Variants in OXNAD1 observed in about 807,000 individuals in gnomAD.
The protein encoded by OXNAD1 is oxidoreductase NAD-binding domain-containing protein 1.
A neutral mutation model predicts 32.9 loss-of-function variants in OXNAD1; 34 were observed. The ratio of observed to expected loss-of-function variants is 1.03; its 90% CI spans 0.79 to 1.38. The LOEUF is 1.38. Ranked by LOEUF, OXNAD1 falls within the 40% of genes most tolerant of loss-of-function variation. The pLI is 0.00. For missense variants in OXNAD1, 407 were observed against 379.4 expected, an observed-to-expected ratio of 1.07 and a Z score of -0.60; for synonymous variants, 134 against 135.2, an observed-to-expected ratio of 0.99 and a Z score of 0.06.
rs1470238191 is a variant in OXNAD1 at position 16,298,847 on chromosome 3, A to G, written c.433-2779A>G. On this transcript the variant is annotated intron_variant, in intron 6 of 8. Transcript: ENST00000285083. The surrounding 1 kb of genome is among the most constrained non-coding windows in gnomAD (Gnocchi z 5.1). ...ATTAGATACATTGCTGTGTAATTGA[A>G]GGTAATGTCCTTTTATTCACTTACA... Among the ~76,000 whole-genome samples, 1 of 152,212 alleles carries G rather than the reference A, an allele frequency of 6.6e-6. No homozygotes were observed. The highest frequency in any genetic ancestry group is 1.5e-5 in the Non-Finnish European group (1 of 68,034).
chr3:16,303,526 A>T lies in OXNAD1; in HGVS notation c.903A>T (p.Val301=). 6.2e-7 allele frequency: 1 copy of T among 1,614,044 alleles called. No individual in the cohort carries two copies. Among genetic ancestry groups the T allele is most frequent in the Non-Finnish European group, 8.5e-7 (1 of 1,179,946 alleles). Residue 301 remains valine, a synonymous_variant, in exon 9 of 9, where the codon GTA becomes GTT. Transcript: ENST00000285083. This position sits in a 1 kb window ranked among gnomAD's most constrained non-coding sequence, Gnocchi z 4.8. ...FFSKQLENNH[V]PKEHICFEKW... ...CCAAGCAACTGGAAAACAACCATGT[A>T]CCCAAAGAACACATTTGCTTTGAGA...
chr3:16,295,746 C>G (rs842285), intron 6 of OXNAD1, among the ~76,000 whole-genome samples: 47,650 of 152,066 alleles, frequency 0.31, 8,293 homozygotes, highest in Non-Finnish European at 0.38. Flanking sequence ...ACCTCCATCC[C>G]AACCAGGCAT....
chr3:16,268,313 C>CTTT (rs531751365), intron 1 of OXNAD1, among the ~76,000 whole-genome samples: 702 of 60,970 alleles, frequency 0.012, 105 homozygotes, highest in Middle Eastern at 0.016. Context: ...AAGAGAACTC[C>CTTT]TTTTTTTTTT....
rs1213407558 is a variant in OXNAD1, at chr3:16,281,895, C to CTTT, written c.184-4428_184-4426dup. 5.9e-3 allele frequency among the ~76,000 whole-genome samples: 657 copies of CTTT among 110,516 alleles called. 15 individuals are homozygous for CTTT. Among genetic ancestry groups the CTTT allele is most frequent in the African/African-American group, 0.019 (565 of 29,436 alleles). 72.5% of individuals were successfully genotyped at this position (110,516 alleles called of 152,430 possible). On this transcript the variant is annotated intron_variant, in intron 4 of 8. Coordinates refer to ENST00000285083, the MANE Select transcript of OXNAD1 (RefSeq NM_138381.5). ...AATGAATGTTTATAAAATAACATTT[C>CTTT]TTTTTTTTTTTTTTTTTTTTTGAGA...
At chr3:16,275,719 T>C (rs1464954302) in intron 4 of OXNAD1, 1 of 172,148 alleles carries the variant, frequency 5.8e-6, no homozygotes, top group Non-Finnish European at 1.3e-5. Context: ...AATAATAGAT[T>C]ATTTATTTGT....
downstream of OXNAD1, among the ~76,000 whole-genome samples, chr3:16,351,806 C>T (rs2072123419): frequency 6.6e-6 from 1 of 152,128 alleles, no homozygotes; most frequent in South Asian, 2.1e-4. The surrounding 1 kb of genome is among the most constrained non-coding windows in gnomAD (Gnocchi z 5.4). Context: ...TGAATAGACT[C>T]AGCAAAGAAC....
At chr3:16,282,037 ATTTTTTTTTTT>A in intron 4 of OXNAD1, among the ~76,000 whole-genome samples, 1 of 95,704 alleles carries the variant, frequency 1.0e-5, no homozygotes, top group East Asian at 2.9e-4. Flanking sequence ...AATGTTTGTA[ATTTTTTTTTTT>A]TTTTTTTTTT....
rs149968380 is a variant in OXNAD1 at position 16,275,045 on chromosome 3, G to A, written c.183+3323G>A. Reference sequence around the variant, plus strand: ...CTTATAAAACAGTCATAGCTTTAAAGCCTTTTTACTCTGTATCATAGTGAC... The same window carrying A: ...CTTATAAAACAGTCATAGCTTTAAAACCTTTTTACTCTGTATCATAGTGAC... On this transcript the variant is annotated intron_variant, in intron 4 of 8. Coordinates refer to ENST00000285083, the MANE Select transcript of OXNAD1 (RefSeq NM_138381.5). 262 of 153,438 alleles carry A rather than the reference G, an allele frequency of 1.7e-3. 2 individuals carry two copies. The highest frequency in any genetic ancestry group is 2.2e-3 in the Non-Finnish European group (153 of 68,182). 9.5% of individuals were successfully genotyped at this position (153,438 alleles called of 1,614,324 possible).
chr3:16,289,038 A>C lies in OXNAD1; in HGVS notation c.290+2590A>C, dbSNP rs1194194793. ...GCTCTGTGATGTGGTCAGTTTCCTTATTTGTCTGGGCTTCAGTTCTCATAT... is the reference window on the plus strand; with the variant it reads ...GCTCTGTGATGTGGTCAGTTTCCTTCTTTGTCTGGGCTTCAGTTCTCATAT... On this transcript the variant is annotated intron_variant, in intron 5 of 8. Coordinates refer to ENST00000285083, the MANE Select transcript of OXNAD1 (RefSeq NM_138381.5). The surrounding 1 kb of genome is among the most constrained non-coding windows in gnomAD (Gnocchi z 4.9). Among the ~76,000 whole-genome samples, 1 of 152,136 alleles carries C rather than the reference A, an allele frequency of 6.6e-6. No homozygotes were observed.
intron 1 of OXNAD1, among the ~76,000 whole-genome samples, chr3:16,267,533 CT>C (rs1225274270): frequency 1.3e-5 from 2 of 152,046 alleles, no homozygotes; most frequent in East Asian, 3.9e-4. Flanking sequence ...GACCTTTGCT[CT>C]TGCTAGTCCT....
chr3:16,332,851 C>G (rs1267851493), intron 9 of OXNAD1, among the ~76,000 whole-genome samples: 2 of 151,980 alleles, frequency 1.3e-5, no homozygotes, highest in African/African-American at 4.8e-5. Context: ...ACCTACCTAC[C>G]TACCTACAAT....
chr3:16,265,642 AT>A lies in OXNAD1; in HGVS notation c.-159+142del, dbSNP rs1323467866. 6.5e-6 allele frequency: 1 copy of A among 154,164 alleles called. No individual in the cohort carries two copies. Among genetic ancestry groups the A allele is most frequent in the East Asian group, 1.9e-4 (1 of 5,210 alleles). The allele number at this position is 154,164 out of a possible 1,614,324, so 9.5% of individuals were successfully genotyped here. A position where few individuals can be genotyped will look rare whatever the true frequency, so the allele number is the denominator to read the frequency against. On this transcript the variant is annotated intron_variant, in intron 1 of 8. Coordinates refer to ENST00000285083, the MANE Select transcript of OXNAD1 (RefSeq NM_138381.5). This position sits in a 1 kb window ranked among gnomAD's most constrained non-coding sequence, Gnocchi z 4.8. ...GCTTATAACATTATTAACGACGATGATTTTTAGTAATAGTAATAACATCACC... is the reference window on the plus strand; with the variant it reads ...GCTTATAACATTATTAACGACGATGATTTTAGTAATAGTAATAACATCACC...
chr3:16,349,463 G>T (rs1007264838), exon 10 of OXNAD1: 1 of 152,310 alleles, frequency 6.6e-6, no homozygotes, highest in Non-Finnish European at 1.5e-5. Context: ...ATGAGCTGAG[G>T]TGTGCAGGTG....
intron 6 of OXNAD1, among the ~76,000 whole-genome samples, chr3:16,300,179 A>G (rs542175847): frequency 6.6e-6 from 1 of 152,366 alleles, no homozygotes; most frequent in African/African-American, 2.4e-5. Context: ...AATGAAAGTC[A>G]TAGTTAATGT....
At chr3:16,340,398 T>C (rs570030238), downstream of OXNAD1, among the ~76,000 whole-genome samples, 1 of 152,368 alleles carries the variant, frequency 6.6e-6, no homozygotes, top group East Asian at 1.9e-4. Context: ...TCTAGCCAAC[T>C]GCCAGACATA....
chr3:16,267,296 G>A (rs111866424), intron 1 of OXNAD1, among the ~76,000 whole-genome samples: 4,766 of 152,192 alleles, frequency 0.031, 105 homozygotes, highest in Middle Eastern at 0.082. Context: ...CTCTCCCTCT[G>A]TTATCCTTCC....
chr3:16,332,714 C>A (rs1432900537), intron 9 of OXNAD1, among the ~76,000 whole-genome samples: 1 of 152,152 alleles, frequency 6.6e-6, no homozygotes, highest in Middle Eastern at 3.2e-3. Context: ...GTTGTAGCTT[C>A]CTTCATTTTG....
chr3:16,285,497 C>G (rs569221242), intron 4 of OXNAD1, among the ~76,000 whole-genome samples: 1 of 152,280 alleles, frequency 6.6e-6, no homozygotes, highest in Admixed American at 6.5e-5. Context: ...GAAGATGTCC[C>G]AGGCTTACAG....
chr3:16,305,709 A>C lies in OXNAD1; in HGVS notation c.*2147A>C, dbSNP rs1236559552. ...TCAGATCTCACCTATACTACTTACT[A>C]GGTAGATGACCTTGAGCAAGTCACT... On this transcript the variant is annotated 3_prime_UTR_variant, in exon 9 of 9. Transcript: ENST00000285083. The surrounding 1 kb of genome is among the most constrained non-coding windows in gnomAD (Gnocchi z 4.5). The C allele has an allele frequency of 6.6e-6, 1 of 152,168 alleles. No individual in the cohort carries two copies. Among genetic ancestry groups the C allele is most frequent in the Non-Finnish European group, 1.5e-5 (1 of 68,016 alleles). 9.4% of individuals were successfully genotyped at this position (152,168 alleles called of 1,614,324 possible). A position where few individuals can be genotyped will look rare whatever the true frequency, so the allele number is the denominator to read the frequency against.
Sources: gnomAD v4.1 joint callset for allele counts (sites outside exome capture counted in the v4.1 genomes callset) on GRCh38, gnomAD v4.1.1 for gene constraint, Gnocchi (gnomAD v3.1) non-coding constraint, MANE v1.5 for transcripts, NCBI Gene and HGNC (gene_info 2026-07-23, HGNC 2026-07-21) for gene names.